The following EFCAB6 variants were observed in gnomAD, a reference collection of about 807,000 sequenced individuals.
The protein encoded by EFCAB6 is EF-hand calcium binding domain 6, also known as EF-hand calcium-binding domain-containing protein 6.
EFCAB6 carries 156 observed loss-of-function variants against 169.8 expected under a neutral mutation model. The observed-to-expected ratio is 0.92, with a 90% CI of 0.81 to 1.05. The LOEUF is 1.05. EFCAB6 is among the 50% of genes least tolerant of loss of function. EFCAB6 has a pLI of 0.00. For missense variants in EFCAB6, 1,800 were observed against 1,829.1 expected (o/e 0.98, Z 0.29); for synonymous variants, 698 against 676.4 (o/e 1.03, Z -0.50).
intron 25 of EFCAB6, 35 bp downstream of exon 25, chr22:43,580,429 A>G: frequency 6.2e-7 from 1 of 1,605,354 alleles, no homozygotes. Flanking sequence ...AATCAAGATG[A>G]GTTTTCACAG....
chr22:43,646,782 G>C (rs1255154262), intron 17 of EFCAB6, among the ~76,000 whole-genome samples: 1 of 152,200 alleles, frequency 6.6e-6, no homozygotes, highest in Non-Finnish European at 1.5e-5. Context: ...AATTCTGACT[G>C]ATATGTTAGC....
intron 17 of EFCAB6, among the ~76,000 whole-genome samples, chr22:43,666,875 A>G (rs552297340): frequency 6.6e-6 from 1 of 152,210 alleles, no homozygotes; most frequent in African/African-American, 2.4e-5. Flanking sequence ...TCTGATATGT[A>G]AAAGCTTAAA....
chr22:43,539,920 C>T (rs558800696), intron 28 of EFCAB6, among the ~76,000 whole-genome samples: 2 of 152,318 alleles, frequency 1.3e-5, no homozygotes, highest in African/African-American at 2.4e-5. Flanking sequence ...ACTCCTCCAC[C>T]GTTCCTATCC....
At chr22:43,555,210 GC>G in intron 26 of EFCAB6, 114 bp from the exon 27 acceptor site, 1 of 1,079,852 alleles carries the variant, frequency 9.3e-7, no homozygotes, top group African/African-American at 1.6e-5. Context: ...GGGAGGAGAG[GC>G]CAGAAGACAG....
intron 23 of EFCAB6, among the ~76,000 whole-genome samples, chr22:43,590,546 A>G (rs887455455): frequency 6.6e-6 from 1 of 152,236 alleles, no homozygotes. Context: ...TTTTACATAT[A>G]GACATGTGAA....
rs755617073 is a variant in EFCAB6, at chr22:43,632,229, A to C, written c.2108T>G (p.Met703Arg). 1.1e-5 allele frequency: 17 copies of C among 1,611,106 alleles called. No individual in the cohort carries two copies. The highest frequency in any genetic ancestry group is 1.4e-5 in the Non-Finnish European group (17 of 1,178,958). Residue 703 changes from methionine (M) to arginine (R), a missense_variant, in exon 19 of 32, where the codon ATG (methionine) becomes AGG (arginine). Transcript: ENST00000262726. ...CGGCGGAGTGGTTTCCGGCCCTCTC[A>C]TTGGAGGATCTGGAACAATTACAAA... ...DFAAGFEDPP[M>R]RGPETTPPQP...
chr22:43,666,691 GTTTTTTT>G (rs137764), intron 17 of EFCAB6, among the ~76,000 whole-genome samples: 3 of 77,886 alleles, frequency 3.9e-5, no homozygotes, highest in South Asian at 5.3e-4. Flanking sequence ...CTGCCAGATT[GTTTTTTT>G]TTTTTTTTTT....
intron 27 of EFCAB6, 112 bp downstream of exon 27, chr22:43,554,757 T>C: frequency 1.1e-6 from 1 of 913,922 alleles, no homozygotes; most frequent in Non-Finnish European, 1.7e-6. Context: ...ATAACAAAAC[T>C]GCAAGCATTT....
At chr22:43,586,914 G>A (rs1027360573) in intron 24 of EFCAB6, among the ~76,000 whole-genome samples, 4 of 152,154 alleles carry the variant, frequency 2.6e-5, no homozygotes, top group African/African-American at 7.2e-5. Context: ...AACTCCGAAG[G>A]ACTAGGAGTA....
chr22:43,673,759 AAT>A (rs1302108525), intron 13 of EFCAB6, among the ~76,000 whole-genome samples: 1 of 151,866 alleles, frequency 6.6e-6, no homozygotes, highest in African/African-American at 2.4e-5. Flanking sequence ...CAGCCTGAGC[AAT>A]AGAGTGAGAC....
intron 2 of EFCAB6, among the ~76,000 whole-genome samples, chr22:43,787,103 T>C (rs2062106071): frequency 6.6e-6 from 1 of 152,172 alleles, no homozygotes. Flanking sequence ...TCACAGGTAA[T>C]GTCATATTTA....
intron 2 of EFCAB6, among the ~76,000 whole-genome samples, chr22:43,794,542 A>G (rs970575583): frequency 6.6e-6 from 1 of 152,238 alleles, no homozygotes; most frequent in Non-Finnish European, 1.5e-5. Context: ...GTAAACAGAT[A>G]AGAGTAATGA....
intron 22 of EFCAB6, among the ~76,000 whole-genome samples, chr22:43,605,616 C>T (rs2052862524): frequency 6.6e-6 from 1 of 151,942 alleles, no homozygotes; most frequent in Admixed American, 6.6e-5. Flanking sequence ...TGCACTCCAG[C>T]CCAGTGACAG....
At chr22:43,554,033 T>G (rs1327678020) in intron 27 of EFCAB6, 1 of 152,994 alleles carries the variant, frequency 6.5e-6, no homozygotes, top group Admixed American at 6.5e-5. Context: ...AGAAGGCAGG[T>G]TGGGGTGGCG....
At chr22:43,698,349 T>A (rs1460605017) in intron 10 of EFCAB6, among the ~76,000 whole-genome samples, 1 of 152,168 alleles carries the variant, frequency 6.6e-6, no homozygotes, top group Non-Finnish European at 1.5e-5. Context: ...TGGGGATTTG[T>A]GTACATACAC....
At chr22:43,609,446 A>G (rs554611904) in intron 21 of EFCAB6, among the ~76,000 whole-genome samples, 1 of 152,360 alleles carries the variant, frequency 6.6e-6, no homozygotes, top group South Asian at 2.1e-4. Context: ...AAATTATTAT[A>G]AGAGGTGAAT....
intron 10 of EFCAB6, among the ~76,000 whole-genome samples, chr22:43,699,806 C>T (rs2058701591): frequency 6.6e-6 from 1 of 152,184 alleles, no homozygotes. Flanking sequence ...TTCTACACTT[C>T]ATATAATTTA....
At chr22:43,671,167 TTTTG>T (rs1427147225) in intron 15 of EFCAB6, among the ~76,000 whole-genome samples, 2 of 152,260 alleles carry the variant, frequency 1.3e-5, no homozygotes, top group East Asian at 1.9e-4. Context: ...AAAGTGGTTT[TTTTG>T]TTTGTTTGGT....
intron 27 of EFCAB6, among the ~76,000 whole-genome samples, chr22:43,548,597 G>T (rs73172032): frequency 0.012 from 1,611 of 134,972 alleles, 15 homozygotes; most frequent in Non-Finnish European, 0.018. Context: ...GGCTATAAGA[G>T]CTCTGAATAT....
Sources: gnomAD v4.1 joint callset for allele counts (sites outside exome capture counted in the v4.1 genomes callset) on GRCh38, gnomAD v4.1.1 for gene constraint, MANE v1.5 for transcripts, NCBI Gene and HGNC (gene_info 2026-07-23, HGNC 2026-07-21) for gene names.